Variants in ST6GALNAC3 observed in about 807,000 individuals in gnomAD.
ST6GALNAC3 encodes alpha-N-acetylgalactosaminide alpha-2,6-sialyltransferase 3.
In ST6GALNAC3, 25 loss-of-function variants were observed where a neutral mutation model predicts 32.7. The ratio of observed to expected loss-of-function variants is 0.76; its 90% CI spans 0.56 to 1.07. The LOEUF (loss-of-function observed/expected upper bound fraction) is 1.07. ST6GALNAC3 is among the 50% of genes least tolerant of loss of function. The pLI is 0.00. For synonymous variants in ST6GALNAC3, 129 were observed against 133.1 expected (o/e 0.97, Z 0.21); for missense variants, 355 against 382.4 (o/e 0.93, Z 0.60).
At chr1:76,387,770 T>G (rs1652210362) in intron 2 of ST6GALNAC3, among the ~76,000 whole-genome samples, 1 of 152,162 alleles carries the variant, frequency 6.6e-6, no homozygotes, top group African/African-American at 2.4e-5. Flanking sequence ...TAAAATTGGT[T>G]TTTTGATCTG....
At chr1:76,435,611 A>T (rs2101472482) in intron 3 of ST6GALNAC3, among the ~76,000 whole-genome samples, 1 of 152,296 alleles carries the variant, frequency 6.6e-6, no homozygotes. Context: ...TCTCTGAATA[A>T]TGTTATTTGG....
chr1:76,364,951 T>A (rs1023250032), intron 2 of ST6GALNAC3, among the ~76,000 whole-genome samples: 2 of 152,176 alleles, frequency 1.3e-5, no homozygotes, highest in African/African-American at 4.8e-5. Flanking sequence ...AGCACTACCA[T>A]TTGACCCAGC....
intron 1 of ST6GALNAC3, among the ~76,000 whole-genome samples, chr1:76,243,579 G>A (rs1360671499): frequency 1.3e-5 from 2 of 152,230 alleles, no homozygotes; most frequent in East Asian, 1.9e-4. Flanking sequence ...GTTTTTTATG[G>A]TTTGGGGTTT....
intron 3 of ST6GALNAC3, among the ~76,000 whole-genome samples, chr1:76,434,493 A>G (rs1207895851): frequency 6.6e-6 from 1 of 152,206 alleles, no homozygotes; most frequent in African/African-American, 2.4e-5. Context: ...TCCTGCAACA[A>G]GAAGTAACAT....
chr1:76,446,332 G>A (rs1002976752), intron 3 of ST6GALNAC3, among the ~76,000 whole-genome samples: 5 of 151,866 alleles, frequency 3.3e-5, no homozygotes, highest in African/African-American at 1.2e-4. Context: ...CTATGTTGAT[G>A]CATCCTTATC....
chr1:76,568,139 C>G (rs1018476859), intron 3 of ST6GALNAC3, among the ~76,000 whole-genome samples: 6 of 152,206 alleles, frequency 3.9e-5, no homozygotes, highest in Non-Finnish European at 7.3e-5. Flanking sequence ...AGTTCCTTGT[C>G]TACTACATCA....
chr1:76,121,971 G>GCTCC (rs1335072077), intron 1 of ST6GALNAC3, among the ~76,000 whole-genome samples: 1 of 152,050 alleles, frequency 6.6e-6, no homozygotes, highest in African/African-American at 2.4e-5. Context: ...CATCTGCATG[G>GCTCC]CTCCCTCCCT....
At chr1:76,525,877 A>G (rs1662882956) in intron 3 of ST6GALNAC3, among the ~76,000 whole-genome samples, 1 of 143,522 alleles carries the variant, frequency 7.0e-6, no homozygotes, top group South Asian at 2.3e-4. Context: ...GCTCCTCCAA[A>G]CACCAAATTT....
intron 3 of ST6GALNAC3, among the ~76,000 whole-genome samples, chr1:76,472,038 A>T (rs952629560): frequency 1.3e-5 from 2 of 152,144 alleles, no homozygotes; most frequent in Non-Finnish European, 2.9e-5. Flanking sequence ...CCTAGCAAAC[A>T]TGACATTTAA....
intron 3 of ST6GALNAC3, among the ~76,000 whole-genome samples, chr1:76,531,977 A>T (rs939836411): frequency 2.0e-5 from 3 of 152,188 alleles, no homozygotes; most frequent in Non-Finnish European, 4.4e-5. Context: ...ACACAGCTGC[A>T]CAGTAACAGA....
At chr1:76,313,045 A>AT (rs1039197017) in intron 1 of ST6GALNAC3, among the ~76,000 whole-genome samples, 3 of 151,488 alleles carry the variant, frequency 2.0e-5, no homozygotes, top group Admixed American at 1.3e-4. Flanking sequence ...GCTTGGCATA[A>AT]TTTTTTTTTC....
chr1:76,249,877 T>C (rs1335970797), intron 1 of ST6GALNAC3, among the ~76,000 whole-genome samples: 2 of 152,228 alleles, frequency 1.3e-5, no homozygotes, highest in African/African-American at 4.8e-5. Context: ...TCTTTTCATG[T>C]GTTTATTAGC....
Position 76,507,475 on chromosome 1 carries a change from A to T in ST6GALNAC3, c.623+95058A>T, listed in dbSNP as rs1396719968. ...CACTTGCTGGGCCCTTGAAACCACC[A>T]ATCTACTTTCTGTCTCTATAGGTTT... On this transcript the variant is annotated intron_variant, in intron 3 of 4. Coordinates refer to ENST00000328299, the MANE Select transcript of ST6GALNAC3 (RefSeq NM_152996.4). Among the ~76,000 whole-genome samples, 12 of 152,112 alleles carry T rather than the reference A, an allele frequency of 7.9e-5. No individual in the cohort carries two copies. The East Asian group carries it at 2.3e-3, about 29-fold the overall frequency.
intron 3 of ST6GALNAC3, among the ~76,000 whole-genome samples, chr1:76,582,584 T>C (rs1369462692): frequency 1.3e-5 from 2 of 152,204 alleles, no homozygotes; most frequent in African/African-American, 4.8e-5. Context: ...CATAAATCCC[T>C]TAACAAATGG....
intron 1 of ST6GALNAC3, among the ~76,000 whole-genome samples, chr1:76,240,826 C>T (rs1656918205): frequency 1.3e-5 from 2 of 152,284 alleles, no homozygotes; most frequent in South Asian, 4.1e-4. Context: ...GTTTATCCTA[C>T]CTTAATACCC....
At chr1:76,187,501 T>A (rs1455263050) in intron 1 of ST6GALNAC3, among the ~76,000 whole-genome samples, 1 of 152,112 alleles carries the variant, frequency 6.6e-6, no homozygotes, top group African/African-American at 2.4e-5. Context: ...AAAAAATATC[T>A]CCAGATATTG....
chr1:76,599,719 TGTGTGTGTG>T (rs1557614079), intron 3 of ST6GALNAC3, among the ~76,000 whole-genome samples: 1,551 of 35,910 alleles, frequency 0.043, 27 homozygotes, highest in African/African-American at 0.077. Context: ...TACCGTATCG[TGTGTGTGTG>T]TGTGTGTGTG....
intron 1 of ST6GALNAC3, among the ~76,000 whole-genome samples, chr1:76,147,644 G>A (rs1362015265): frequency 6.6e-6 from 1 of 152,170 alleles, no homozygotes; most frequent in Admixed American, 6.5e-5. Flanking sequence ...AGCTCCATGA[G>A]ACTGGGATAT....
At chr1:76,575,406 A>G (rs1646786075) in intron 3 of ST6GALNAC3, among the ~76,000 whole-genome samples, 1 of 152,108 alleles carries the variant, frequency 6.6e-6, no homozygotes, top group African/African-American at 2.4e-5. Context: ...CCAAACATGC[A>G]TTGAGCACTC....
Sources: gnomAD v4.1 joint callset for allele counts (sites outside exome capture counted in the v4.1 genomes callset) on GRCh38, gnomAD v4.1.1 for gene constraint, MANE v1.5 for transcripts, NCBI Gene and HGNC (gene_info 2026-07-23, HGNC 2026-07-21) for gene names.